The following SV2C variants were observed in gnomAD, a reference collection of about 807,000 sequenced individuals.
The protein encoded by SV2C is synaptic vesicle glycoprotein 2C, also known as solute carrier family 22 member B3.
Under a neutral mutation model 79.7 loss-of-function variants are expected in SV2C, and 49 were observed. That is an observed-to-expected ratio of 0.61 (90% CI 0.49 to 0.78). The LOEUF is 0.78. SV2C is among the 30% of genes least tolerant of loss of function. SV2C has a pLI of 0.00. For missense variants in SV2C, 833 were observed against 912.9 expected (o/e 0.91, Z 1.13); for synonymous variants, 334 against 333.2 (o/e 1.00, Z -0.03).
chr5:76,099,826 C>G (rs370115434), intron 1 of SV2C, among the ~76,000 whole-genome samples: 1 of 152,168 alleles, frequency 6.6e-6, no homozygotes, highest in Non-Finnish European at 1.5e-5. Context: ...TTCTCATCCA[C>G]CATTTCAAGT....
intron 4 of SV2C, among the ~76,000 whole-genome samples, chr5:76,251,058 A>G (rs1746100610): frequency 6.6e-6 from 1 of 152,156 alleles, no homozygotes. Context: ...TCCCACATCT[A>G]GGGAAATGTA....
the SV2C span, among the ~76,000 whole-genome samples, chr5:75,870,430 A>G: frequency 6.6e-6 from 1 of 152,104 alleles, no homozygotes; most frequent in South Asian, 2.1e-4. Context: ...TGAATTTATG[A>G]GATTGAAGAC....
the SV2C span, among the ~76,000 whole-genome samples, chr5:76,050,958 A>T: frequency 6.6e-6 from 1 of 152,238 alleles, no homozygotes; most frequent in Non-Finnish European, 1.5e-5. Context: ...AGCAAGCCAG[A>T]TTAAAAAGTA....
chr5:76,227,974 G>A (rs779043194), intron 4 of SV2C, among the ~76,000 whole-genome samples: 14 of 152,104 alleles, frequency 9.2e-5, no homozygotes, highest in Middle Eastern at 3.2e-3. Context: ...CACCACCCGA[G>A]GTTTTATCAT....
intron 4 of SV2C, among the ~76,000 whole-genome samples, chr5:76,260,735 C>G (rs1294950480): frequency 6.6e-6 from 1 of 152,074 alleles, no homozygotes; most frequent in African/African-American, 2.4e-5. Flanking sequence ...TCAGGTTTGT[C>G]AAAGATCAGA....
At chr5:75,950,799 T>C in the SV2C span, among the ~76,000 whole-genome samples, 1 of 151,956 alleles carries the variant, frequency 6.6e-6, no homozygotes, top group African/African-American at 2.4e-5. Flanking sequence ...CAAAGAAGGA[T>C]TTTTTAGAAA....
chr5:76,129,950 A>G (rs996859523), intron 1 of SV2C, among the ~76,000 whole-genome samples: 1 of 151,998 alleles, frequency 6.6e-6, no homozygotes, highest in African/African-American at 2.4e-5. Context: ...TGAAATATTC[A>G]GATTTTCTGT....
the SV2C span, among the ~76,000 whole-genome samples, chr5:75,915,657 C>T: frequency 3.2e-4 from 48 of 152,280 alleles, no homozygotes; most frequent in Middle Eastern, 3.4e-3. Context: ...AGTCTCCCTA[C>T]TCATGAGAAT....
upstream of SV2C, among the ~76,000 whole-genome samples, chr5:76,082,977 T>C (rs1210803452): frequency 1.3e-5 from 2 of 152,224 alleles, no homozygotes; most frequent in East Asian, 3.8e-4. Context: ...CGTCTCACGC[T>C]GGACCTGACC....
intron 3 of SV2C, among the ~76,000 whole-genome samples, chr5:76,206,838 C>G (rs1337074413): frequency 6.6e-6 from 1 of 152,204 alleles, no homozygotes; most frequent in Non-Finnish European, 1.5e-5. Flanking sequence ...AATATATCAT[C>G]AGCCCACAAT....
At chr5:76,171,964 C>T (rs1191093486) in intron 2 of SV2C, among the ~76,000 whole-genome samples, 134 of 128,456 alleles carry the variant, frequency 1.0e-3, no homozygotes, top group Non-Finnish European at 1.4e-3. Context: ...CCTGGCCAGC[C>T]GCCCCGTCCG....
At chr5:76,056,325 C>T in the SV2C span, among the ~76,000 whole-genome samples, 1 of 152,142 alleles carries the variant, frequency 6.6e-6, no homozygotes, top group Admixed American at 6.5e-5. Context: ...ACCAACCTTG[C>T]ATCTCAGGAA....
chr5:75,853,328 G>A, the SV2C span, among the ~76,000 whole-genome samples: 4 of 151,888 alleles, frequency 2.6e-5, no homozygotes, highest in South Asian at 4.2e-4. Flanking sequence ...AGGCGGAGGC[G>A]GGCGGATCAC....
chr5:75,990,120 T>C, the SV2C span, among the ~76,000 whole-genome samples: 4 of 152,062 alleles, frequency 2.6e-5, no homozygotes, highest in Admixed American at 6.6e-5. Context: ...TGATAGTTTC[T>C]TTTGCTGTGC....
chr5:75,967,053 GC>G, the SV2C span, among the ~76,000 whole-genome samples: 129 of 152,200 alleles, frequency 8.5e-4, no homozygotes, highest in African/African-American at 3.0e-3. Flanking sequence ...CTCCTTTCGG[GC>G]CAGGCACAAT....
At chr5:76,312,262 TTG>T (rs1491321247) in intron 12 of SV2C, among the ~76,000 whole-genome samples, 4 of 150,760 alleles carry the variant, frequency 2.7e-5, no homozygotes, top group South Asian at 4.2e-4. Flanking sequence ...CTTTTTTTTT[TTG>T]GGGGGGGGGA....
At chr5:76,082,712 C>T (rs1021060000), upstream of SV2C, among the ~76,000 whole-genome samples, 2 of 150,896 alleles carry the variant, frequency 1.3e-5, no homozygotes, top group Non-Finnish European at 3.0e-5. Flanking sequence ...AGCTGTCTGG[C>T]CCTATGTAGC....
intron 2 of SV2C, among the ~76,000 whole-genome samples, chr5:76,162,467 G>C (rs1742923882): frequency 6.6e-6 from 1 of 152,118 alleles, no homozygotes; most frequent in Non-Finnish European, 1.5e-5. Context: ...GCTGAGAATC[G>C]GGAGCCCAGG....
chr5:76,118,470 T>C (rs1231613005), intron 1 of SV2C, among the ~76,000 whole-genome samples: 1 of 152,126 alleles, frequency 6.6e-6, no homozygotes, highest in Admixed American at 6.5e-5. Flanking sequence ...AATACAAAAA[T>C]GGGAAAAGGA....
Sources: gnomAD v4.1 joint callset for allele counts (sites outside exome capture counted in the v4.1 genomes callset) on GRCh38, gnomAD v4.1.1 for gene constraint, MANE v1.5 for transcripts, NCBI Gene and HGNC (gene_info 2026-07-23, HGNC 2026-07-21) for gene names.